Variants in VWC2L observed in about 807,000 individuals in gnomAD.
VWC2L encodes von Willebrand factor C domain-containing protein 2-like.
VWC2L carries 10 observed loss-of-function variants against 21.6 expected under a neutral mutation model. The ratio of observed to expected loss-of-function variants is 0.46; its 90% CI spans 0.29 to 0.78. VWC2L has a LOEUF of 0.78. Among genes scored for constraint, VWC2L ranks in the 30% least tolerant of loss-of-function variants. The probability of loss-of-function intolerance (pLI) is 0.10; values close to 1 mark genes in which losing one functional copy is unlikely to be tolerated. For synonymous variants in VWC2L, 96 were observed against 94.3 expected, an observed-to-expected ratio of 1.02 and a Z score of -0.10; for missense variants, 209 against 277.1, an observed-to-expected ratio of 0.75 and a Z score of 1.74.
chr2:214,535,141 A>G (rs1689506217), intron 3 of VWC2L, among the ~76,000 whole-genome samples: 1 of 152,118 alleles, frequency 6.6e-6, no homozygotes, highest in African/African-American at 2.4e-5. Context: ...AGGCTAAACA[A>G]TAAAGTCTGC....
chr2:214,563,651 T>TA (rs1161602726), intron 3 of VWC2L, among the ~76,000 whole-genome samples: 1 of 149,952 alleles, frequency 6.7e-6, no homozygotes, highest in African/African-American at 2.5e-5. Context: ...CCCTTCATGT[T>TA]AAAAATCTCA....
At chr2:214,460,001 A>G (rs1249382572) in intron 3 of VWC2L, among the ~76,000 whole-genome samples, 1 of 134,522 alleles carries the variant, frequency 7.4e-6, no homozygotes, top group Non-Finnish European at 1.5e-5. Flanking sequence ...TCCGTCTCCC[A>G]GGTTCGAGTA....
At chr2:214,428,972 T>C (rs115985210) in intron 2 of VWC2L, among the ~76,000 whole-genome samples, 3,953 of 152,276 alleles carry the variant, frequency 0.026, 119 homozygotes, top group Non-Finnish European at 0.033. Flanking sequence ...GGCTGAGTTA[T>C]GGCTCTTTCT....
intron 3 of VWC2L, among the ~76,000 whole-genome samples, chr2:214,545,440 A>T (rs1344965584): frequency 6.6e-6 from 1 of 152,208 alleles, no homozygotes; most frequent in Non-Finnish European, 1.5e-5. Flanking sequence ...CAAATATGAG[A>T]GTAACACATG....
At chr2:214,420,884 A>G (rs2126171771) in intron 2 of VWC2L, among the ~76,000 whole-genome samples, 1 of 152,260 alleles carries the variant, frequency 6.6e-6, no homozygotes, top group South Asian at 2.1e-4. Context: ...AATGGCTTTG[A>G]GTGAGTTAAA....
intron 2 of VWC2L, among the ~76,000 whole-genome samples, chr2:214,435,552 G>A (rs539803068): frequency 6.6e-6 from 1 of 152,272 alleles, no homozygotes; most frequent in Admixed American, 6.5e-5. Flanking sequence ...TCAGATCCAG[G>A]GAAGAAATAA....
In VWC2L at chr2:214,491,113, T is replaced by C. The variant is rs191623403; in HGVS notation, c.520+54355T>C. On this transcript the variant is annotated intron_variant, in intron 3 of 3. Coordinates refer to ENST00000312504, the MANE Select transcript of VWC2L (RefSeq NM_001080500.4). ...CAAGCAGATAATCCTGAAGGTTGCA[T>C]AAGTTTGTGAGTGGACTAAAAGTCA... 1.9e-3 allele frequency among the ~76,000 whole-genome samples: 285 copies of C among 152,334 alleles called. 2 individuals are homozygous for C. Among genetic ancestry groups the C allele is most frequent in the African/African-American group, 6.5e-3 (271 of 41,576 alleles).
At chr2:214,469,982 A>T (rs564639318) in intron 3 of VWC2L, among the ~76,000 whole-genome samples, 10 of 152,338 alleles carry the variant, frequency 6.6e-5, no homozygotes, top group African/African-American at 2.2e-4. Context: ...CATTGGAAAG[A>T]GAAGAAATTT....
At chr2:214,414,979 G>C (rs2126168759) in intron 2 of VWC2L, 1 of 215,900 alleles carries the variant, frequency 4.6e-6, no homozygotes, top group African/African-American at 2.4e-5. Flanking sequence ...TGTATTTGAA[G>C]TCATTTAACA....
chr2:214,535,997 T>A lies in VWC2L; in HGVS notation c.521-39675T>A, dbSNP rs4672712. ...TGCTGTTACACCCATTTAAATTTCCTTCCACATCTCTTTTTGGCACAGGGG... is the reference window on the plus strand; with the variant it reads ...TGCTGTTACACCCATTTAAATTTCCATCCACATCTCTTTTTGGCACAGGGG... On this transcript the variant is annotated intron_variant, in intron 3 of 3. Transcript: ENST00000312504. 2.0e-3 allele frequency among the ~76,000 whole-genome samples: 301 copies of A among 151,954 alleles called. 8 individuals carry two copies. Among genetic ancestry groups the A allele is most frequent in the East Asian group, 3.9e-4 (2 of 5,150 alleles).
chr2:214,414,670 A>G (rs1702328697), intron 2 of VWC2L, 87 bp downstream of exon 2: 1 of 1,410,020 alleles, frequency 7.1e-7, no homozygotes, highest in African/African-American at 1.4e-5. Flanking sequence ...AGAGTTGGAA[A>G]AATGTACTTT....
chr2:214,529,139 C>A (rs891728977), intron 3 of VWC2L, among the ~76,000 whole-genome samples: 1 of 152,146 alleles, frequency 6.6e-6, no homozygotes, highest in East Asian at 1.9e-4. Context: ...AGTCCTGATC[C>A]AACGCTCTTG....
At chr2:214,414,685 T>C in intron 2 of VWC2L, 102 bp downstream of exon 2, 1 of 1,305,340 alleles carries the variant, frequency 7.7e-7, no homozygotes, top group African/African-American at 1.5e-5. Flanking sequence ...TACTTTAAAA[T>C]TTCCCTTTAA....
intron 3 of VWC2L, among the ~76,000 whole-genome samples, chr2:214,558,619 C>T (rs1015018627): frequency 3.9e-5 from 6 of 152,124 alleles, no homozygotes. Flanking sequence ...TCTTCATGGC[C>T]ACCACCCACA....
intron 3 of VWC2L, among the ~76,000 whole-genome samples, chr2:214,550,760 GT>G (rs1424103052): frequency 2.6e-5 from 4 of 152,110 alleles, no homozygotes; most frequent in Admixed American, 2.6e-4. Flanking sequence ...TCACATTCTG[GT>G]TTTTGATCCT....
chr2:214,565,088 C>A (rs1465603839), intron 3 of VWC2L, among the ~76,000 whole-genome samples: 1 of 152,160 alleles, frequency 6.6e-6, no homozygotes, highest in African/African-American at 2.4e-5. Context: ...GAAATCCCTG[C>A]AAGTCAGCTG....
intron 3 of VWC2L, among the ~76,000 whole-genome samples, chr2:214,455,197 A>G (rs1470622435): frequency 6.6e-6 from 1 of 152,158 alleles, no homozygotes; most frequent in Non-Finnish European, 1.5e-5. Flanking sequence ...CCAATGACCT[A>G]TGACACTATC....
intron 3 of VWC2L, among the ~76,000 whole-genome samples, chr2:214,529,009 C>T (rs1465918301): frequency 6.6e-6 from 1 of 152,108 alleles, no homozygotes; most frequent in African/African-American, 2.4e-5. Flanking sequence ...CCAATGTTAG[C>T]AGGTATACAT....
chr2:214,440,884 T>A (rs746655468), intron 3 of VWC2L, among the ~76,000 whole-genome samples: 17 of 152,264 alleles, frequency 1.1e-4, no homozygotes, highest in Admixed American at 2.6e-4. Flanking sequence ...TACATTTCAT[T>A]AGCTGGTTTG....
Sources: gnomAD v4.1 joint callset for allele counts (sites outside exome capture counted in the v4.1 genomes callset) on GRCh38, gnomAD v4.1.1 for gene constraint, MANE v1.5 for transcripts, NCBI Gene and HGNC (gene_info 2026-07-23, HGNC 2026-07-21) for gene names.